The following CFAP20DC variants were observed in gnomAD, a reference collection of about 807,000 sequenced individuals.
CFAP20DC encodes protein CFAP20DC.
Under a neutral mutation model 101.7 loss-of-function variants are expected in CFAP20DC, and 84 were observed. The ratio of observed to expected loss-of-function variants is 0.83; its 90% CI spans 0.69 to 0.99. The LOEUF is 0.99. Among genes scored for constraint, CFAP20DC ranks in the 50% least tolerant of loss-of-function variants. The probability of loss-of-function intolerance (pLI) is 0.00; values close to 1 mark genes in which losing one functional copy is unlikely to be tolerated. For missense variants in CFAP20DC, 1,007 were observed against 970.3 expected, an observed-to-expected ratio of 1.04 and a Z score of -0.50; for synonymous variants, 359 against 351.2, an observed-to-expected ratio of 1.02 and a Z score of -0.25.
At chr3:58,854,184 A>T (rs1211256914) in intron 12 of CFAP20DC, among the ~76,000 whole-genome samples, 1 of 152,064 alleles carries the variant, frequency 6.6e-6, no homozygotes, top group East Asian at 1.9e-4. Flanking sequence ...ATTCTGATAC[A>T]CCAACAACAG....
intron 15 of CFAP20DC, among the ~76,000 whole-genome samples, chr3:58,780,241 A>C (rs966700192): frequency 6.6e-6 from 1 of 152,140 alleles, no homozygotes; most frequent in East Asian, 1.9e-4. Context: ...TGGAAGTGAA[A>C]GAACAATTAC....
At chr3:59,012,257 G>GA (rs2093599987) in intron 4 of CFAP20DC, among the ~76,000 whole-genome samples, 1 of 151,968 alleles carries the variant, frequency 6.6e-6, no homozygotes, top group African/African-American at 2.4e-5. Flanking sequence ...AGATGGAGAT[G>GA]AAAAAAAGGG....
chr3:58,733,499 G>C (rs891327088), intron 3 of CFAP20DC, among the ~76,000 whole-genome samples: 20 of 152,108 alleles, frequency 1.3e-4, no homozygotes, highest in Admixed American at 5.9e-4. Flanking sequence ...ACCATACCAT[G>C]AAGAATAAAA....
intron 6 of CFAP20DC, among the ~76,000 whole-genome samples, chr3:58,906,105 C>T (rs75302652): frequency 6.6e-6 from 1 of 152,234 alleles, no homozygotes; most frequent in South Asian, 2.1e-4. Flanking sequence ...ATGGCAACAT[C>T]CATCTCACAG....
chr3:58,970,315 T>C (rs1210233678), intron 4 of CFAP20DC: 1 of 152,092 alleles, frequency 6.6e-6, no homozygotes, highest in Non-Finnish European at 1.5e-5. Context: ...TCAGAATGGA[T>C]TAGAGTGGGC....
At chr3:58,940,627 A>C (rs1373748180) in intron 4 of CFAP20DC, among the ~76,000 whole-genome samples, 1 of 151,970 alleles carries the variant, frequency 6.6e-6, no homozygotes, top group Non-Finnish European at 1.5e-5. Context: ...CTGTTGATTC[A>C]TTTTTTTCAT....
At chr3:58,740,165 GAAGAGAA>G (rs1559530333), downstream of CFAP20DC, among the ~76,000 whole-genome samples, 2 of 152,224 alleles carry the variant, frequency 1.3e-5, no homozygotes, top group East Asian at 1.9e-4. This position sits in a 1 kb window ranked among gnomAD's most constrained non-coding sequence, Gnocchi z 4.6. Flanking sequence ...TGAGAAGAGA[GAAGAGAA>G]AAGAGAGAAG....
chr3:58,976,480 G>C (rs2092282565), intron 4 of CFAP20DC, among the ~76,000 whole-genome samples: 1 of 152,198 alleles, frequency 6.6e-6, no homozygotes, highest in Non-Finnish European at 1.5e-5. Flanking sequence ...GCCATCACCT[G>C]TGTCCTGAAA....
At chr3:58,987,185 C>A (rs997143768) in intron 4 of CFAP20DC, among the ~76,000 whole-genome samples, 1 of 152,020 alleles carries the variant, frequency 6.6e-6, no homozygotes, top group Non-Finnish European at 1.5e-5. Context: ...GGAGTTAAAG[C>A]TTTCTTAGGT....
Position 58,868,394 on chromosome 3 carries a change from A to G in CFAP20DC, c.1016-458T>C, listed in dbSNP as rs3849526. Among the ~76,000 whole-genome samples the G allele has an allele frequency of 6.6e-6, 1 of 152,062 alleles. No homozygotes were observed. The highest frequency in any genetic ancestry group is 1.5e-5 in the Non-Finnish European group (1 of 67,992). On this transcript the variant is annotated intron_variant, in intron 9 of 16. Coordinates refer to ENST00000482387, the MANE Select transcript of CFAP20DC (RefSeq NM_001394063.1). The surrounding 1 kb of genome is among the most constrained non-coding windows in gnomAD (Gnocchi z 4.6). Reference sequence around the variant, plus strand: ...AGAACTTCTAAGTACGATTTAATTTAGCAATAATAATAATCATAGCAGCAT... The same window carrying G: ...AGAACTTCTAAGTACGATTTAATTTGGCAATAATAATAATCATAGCAGCAT...
intron 5 of CFAP20DC, among the ~76,000 whole-genome samples, chr3:58,929,267 C>T (rs1224437485): frequency 2.0e-5 from 3 of 152,264 alleles, no homozygotes; most frequent in Admixed American, 1.3e-4. Flanking sequence ...CAGCCACATA[C>T]ATAATACTCA....
chr3:58,903,577 T>A (rs1234308025), intron 6 of CFAP20DC, among the ~76,000 whole-genome samples: 1 of 152,154 alleles, frequency 6.6e-6, no homozygotes, highest in Non-Finnish European at 1.5e-5. Flanking sequence ...ACAATCATGG[T>A]GGAAGGGGAA....
chr3:58,849,980 G>C (rs1314596983), intron 12 of CFAP20DC, among the ~76,000 whole-genome samples: 1 of 152,098 alleles, frequency 6.6e-6, no homozygotes, highest in African/African-American at 2.4e-5. Context: ...TTTAGTTTTA[G>C]AAAGTATATT....
intron 13 of CFAP20DC, among the ~76,000 whole-genome samples, chr3:58,846,061 T>C (rs1422419705): frequency 6.8e-6 from 1 of 147,942 alleles, no homozygotes; most frequent in Non-Finnish European, 1.5e-5. Context: ...AATATCATAC[T>C]GAATGGGCAA....
chr3:59,008,605 C>T (rs1274527102), intron 4 of CFAP20DC, among the ~76,000 whole-genome samples: 3 of 151,722 alleles, frequency 2.0e-5, no homozygotes, highest in African/African-American at 7.3e-5. Flanking sequence ...AAAACTATCA[C>T]AAGGACAAAA....
At chr3:58,717,090 T>C (rs2107035521), downstream of CFAP20DC, among the ~76,000 whole-genome samples, 1 of 151,820 alleles carries the variant, frequency 6.6e-6, no homozygotes, top group African/African-American at 2.4e-5. The surrounding 1 kb of genome is among the most constrained non-coding windows in gnomAD (Gnocchi z 4.1). Context: ...CAGTCAAGAG[T>C]AGTTGCTACT....
intron 15 of CFAP20DC, among the ~76,000 whole-genome samples, chr3:58,763,601 G>A (rs1289711839): frequency 6.6e-6 from 1 of 152,204 alleles, no homozygotes. Flanking sequence ...TCCTTTAGAG[G>A]AGGAGAGGCA....
chr3:58,983,108 T>C lies in CFAP20DC; in HGVS notation c.279-45346A>G, dbSNP rs565422827. ...TGATCATGGGCCATTAGGATAATGA[T>C]GGTACTTGAGACAGCTCAAAATGAT... On this transcript the variant is annotated intron_variant, in intron 4 of 16. Coordinates refer to ENST00000482387, the MANE Select transcript of CFAP20DC (RefSeq NM_001394063.1). Among the ~76,000 whole-genome samples the C allele has an allele frequency of 6.4e-4, 97 of 152,320 alleles. 2 individuals carry two copies. In the South Asian group the frequency reaches 0.019, roughly 31 times the overall value.
intron 3 of CFAP20DC, chr3:58,734,594 A>C (rs2067709285): frequency 4.4e-6 from 2 of 456,464 alleles, no homozygotes; most frequent in Non-Finnish European, 4.4e-6. Flanking sequence ...ACTCAGTCTC[A>C]CTTCACAAAT....
Sources: allele counts gnomAD v4.1 joint callset (sites outside exome capture counted in the v4.1 genomes callset), GRCh38; gene constraint gnomAD v4.1.1; non-coding constraint Gnocchi (gnomAD v3.1); transcripts MANE v1.5; gene names NCBI Gene and HGNC (gene_info 2026-07-23, HGNC 2026-07-21).